ZFHX3: variants seen among roughly 807,000 people sequenced by gnomAD.
ZFHX3 encodes zinc finger homeobox 3, also known as zinc finger homeobox protein 3.
Under a neutral mutation model 279.1 loss-of-function variants are expected in ZFHX3, and 42 were observed. The observed-to-expected ratio is 0.15, with a 90% CI of 0.12 to 0.19. ZFHX3 has a LOEUF of 0.19. Among genes scored for constraint, ZFHX3 ranks in the 10% least tolerant of loss-of-function variants. The probability of loss-of-function intolerance (pLI) is 1.00; values close to 1 mark genes in which losing one functional copy is unlikely to be tolerated. For missense variants in ZFHX3, 4,981 were observed against 4,754.0 expected, an observed-to-expected ratio of 1.05 and a Z score of -1.40; for synonymous variants, 2,293 against 1,957.8, an observed-to-expected ratio of 1.17 and a Z score of -4.52.
At chr16:73,622,297 G>T (rs891188431) in intron 2 of ZFHX3, among the ~76,000 whole-genome samples, 2 of 152,182 alleles carry the variant, frequency 1.3e-5, no homozygotes, top group Non-Finnish European at 2.9e-5. Flanking sequence ...AGGGGCTCAC[G>T]CCTGTAATCC....
At chr16:73,645,337 A>G (rs553573654) in intron 2 of ZFHX3, among the ~76,000 whole-genome samples, 1 of 152,110 alleles carries the variant, frequency 6.6e-6, no homozygotes, top group Non-Finnish European at 1.5e-5. Flanking sequence ...GCTCACTGCA[A>G]GCTCCACCAC....
At chr16:73,108,440 G>A (rs546404092) in intron 7 of ZFHX3, among the ~76,000 whole-genome samples, 2 of 152,236 alleles carry the variant, frequency 1.3e-5, no homozygotes, top group African/African-American at 4.8e-5. Flanking sequence ...GTATTGCTCT[G>A]TTGCCTAGGC....
At chr16:73,680,885 CATAT>C (rs2053003523) in intron 1 of ZFHX3, among the ~76,000 whole-genome samples, 1 of 152,126 alleles carries the variant, frequency 6.6e-6, no homozygotes, top group Non-Finnish European at 1.5e-5. Flanking sequence ...AACCATTATT[CATAT>C]ATAATTACTA....
chr16:73,562,104 A>G (rs1474092844), intron 2 of ZFHX3, among the ~76,000 whole-genome samples: 1 of 152,190 alleles, frequency 6.6e-6, no homozygotes, highest in African/African-American at 2.4e-5. Flanking sequence ...AAGACAGTCT[A>G]GTCAATGTAT....
At chr16:73,714,230 A>G (rs1431802177) in intron 1 of ZFHX3, among the ~76,000 whole-genome samples, 1 of 152,174 alleles carries the variant, frequency 6.6e-6, no homozygotes, top group Non-Finnish European at 1.5e-5. Flanking sequence ...TGGATACATT[A>G]GGATCCTGGG....
At chr16:73,496,478 C>A (rs556309245) in intron 2 of ZFHX3, among the ~76,000 whole-genome samples, 1 of 152,312 alleles carries the variant, frequency 6.6e-6, no homozygotes, top group Admixed American at 6.5e-5. Flanking sequence ...TTGCAGTGAG[C>A]CAAGATCGTG....
At chr16:73,441,692 A>C (rs2018096542) in intron 3 of ZFHX3, among the ~76,000 whole-genome samples, 1 of 152,148 alleles carries the variant, frequency 6.6e-6, no homozygotes, top group Non-Finnish European at 1.5e-5. Flanking sequence ...CTGAGCTGGG[A>C]GTCAGTGACA....
intron 1 of ZFHX3, among the ~76,000 whole-genome samples, chr16:73,020,650 T>C (rs1964265894): frequency 6.6e-6 from 1 of 152,168 alleles, no homozygotes; most frequent in African/African-American, 2.4e-5. Context: ...AACTGATCAG[T>C]TCAGACCTCC....
intron 2 of ZFHX3, among the ~76,000 whole-genome samples, chr16:73,479,550 T>G (rs756274641): frequency 2.6e-4 from 40 of 152,190 alleles, no homozygotes; most frequent in Non-Finnish European, 3.7e-4. Flanking sequence ...ATCCCAGGCA[T>G]GCTCCTGCAC....
chr16:72,790,064 T>A (rs970468238), intron 9 of ZFHX3: 5 of 152,424 alleles, frequency 3.3e-5, no homozygotes, highest in African/African-American at 4.8e-5. Context: ...TGCAACGCCT[T>A]CACCAACCCG....
rs545717310 is a variant in ZFHX3 at position 73,597,223 on chromosome 16, A to T, written c.-1547+82957T>A. Among the ~76,000 whole-genome samples, 5 of 151,942 alleles carry T rather than the reference A, an allele frequency of 3.3e-5. No homozygotes were observed. The South Asian group carries it at 1.0e-3, about 32-fold the overall frequency. On this transcript the variant is annotated intron_variant, in intron 2 of 17. Transcript: ENST00000641206. ...CATTCAGAACCCAGCAACCACGTCA[A>T]CTCTTCCATGACGCCTTCCCTGATC...
intron 5 of ZFHX3, among the ~76,000 whole-genome samples, chr16:73,150,865 A>G (rs1315592465): frequency 6.6e-6 from 1 of 152,230 alleles, no homozygotes; most frequent in South Asian, 2.1e-4. Context: ...TTGTAAATTC[A>G]GTAGAATTCT....
chr16:73,103,780 C>G (rs930559455), intron 7 of ZFHX3, among the ~76,000 whole-genome samples: 1 of 151,784 alleles, frequency 6.6e-6, no homozygotes, highest in African/African-American at 2.4e-5. Context: ...CCTCCTATAA[C>G]AGTCTGGTGG....
chr16:72,864,540 A>G (rs1387758179), intron 4 of ZFHX3, among the ~76,000 whole-genome samples: 1 of 152,226 alleles, frequency 6.6e-6, no homozygotes, highest in Admixed American at 6.5e-5. Flanking sequence ...GTATCTTGGC[A>G]ACAGACTGTC....
intron 4 of ZFHX3, among the ~76,000 whole-genome samples, chr16:73,261,668 G>GTTATTTTTTTT (rs2013828740): frequency 1.2e-5 from 1 of 80,716 alleles, no homozygotes; most frequent in Non-Finnish European, 2.3e-5. Context: ...TCCTGTGATT[G>GTTATTTTTTTT]TTTTTTTTTT....
At chr16:73,459,713 C>A (rs1305289561) in intron 2 of ZFHX3, among the ~76,000 whole-genome samples, 1 of 152,040 alleles carries the variant, frequency 6.6e-6, no homozygotes, top group Admixed American at 6.5e-5. Flanking sequence ...GTTGGGTAGG[C>A]CTGAGAAAAC....
intron 1 of ZFHX3, among the ~76,000 whole-genome samples, chr16:73,029,661 C>T (rs1390404686): frequency 1.3e-5 from 2 of 152,180 alleles, no homozygotes; most frequent in South Asian, 2.1e-4. Flanking sequence ...ATCGGACAAA[C>T]GATTTGCTCA....
At chr16:73,410,885 A>G (rs1291253287) in intron 3 of ZFHX3, among the ~76,000 whole-genome samples, 1 of 152,202 alleles carries the variant, frequency 6.6e-6, no homozygotes, top group Non-Finnish European at 1.5e-5. Context: ...AAGCACACAG[A>G]CTCAAAGTAA....
chr16:73,765,498 TAAGGCTGTGGATC>T (rs2053922605), intron 1 of ZFHX3, among the ~76,000 whole-genome samples: 1 of 152,310 alleles, frequency 6.6e-6, no homozygotes, highest in African/African-American at 2.4e-5. Context: ...TGAGGCTAGT[TAAGGCTGTGGATC>T]AACTGTTCAT....
Sources: allele counts gnomAD v4.1 joint callset (sites outside exome capture counted in the v4.1 genomes callset), GRCh38; gene constraint gnomAD v4.1.1; transcripts MANE v1.5; gene names NCBI Gene and HGNC (gene_info 2026-07-23, HGNC 2026-07-21).